Variants in JAK2 observed in about 807,000 individuals in gnomAD.
The protein encoded by JAK2 is tyrosine-protein kinase JAK2.
In JAK2, 86 loss-of-function variants were observed where a neutral mutation model predicts 139.3. That is an observed-to-expected ratio of 0.62 (90% CI 0.52 to 0.74). JAK2 has a LOEUF of 0.74. Ranked by LOEUF, JAK2 falls within the 30% of genes least tolerant of loss-of-function variation. JAK2 has a pLI of 0.00. For missense variants in JAK2, 1,421 were observed against 1,360.3 expected (o/e 1.04, Z -0.70); for synonymous variants, 490 against 437.7 (o/e 1.12, Z -1.49).
chr9:5,070,390 A>G (rs1300239489), intron 12 of JAK2, among the ~76,000 whole-genome samples: 4 of 152,030 alleles, frequency 2.6e-5, no homozygotes, highest in African/African-American at 9.7e-5. Context: ...AAAAATAAAG[A>G]AGAAACTGAG....
chr9:5,110,906 C>G lies in JAK2; in HGVS notation c.3060-12098C>G, dbSNP rs1428370103. 13 of 557,286 alleles carry G rather than the reference C, an allele frequency of 2.3e-5. No individual in the cohort carries two copies. In the African/African-American group the frequency reaches 2.5e-4, roughly 11 times the overall value. The allele number at this position is 557,286 out of a possible 1,614,324, so 34.5% of individuals were successfully genotyped here. ...CATGTCTGAGATGCCCGCTCTGGCC[C>G]CAAGAGAATGAACCAGCCGCAGAGG... On this transcript the variant is annotated intron_variant, in intron 22 of 24. Coordinates refer to ENST00000381652, the MANE Select transcript of JAK2 (RefSeq NM_004972.4).
At position 5,073,760 on chromosome 9, in the gene JAK2, T is replaced by A; in HGVS notation, c.1839T>A (p.Tyr613Ter). Residue 613 changes from tyrosine to a stop codon, truncating the protein, a stop_gained, in exon 14 of 25, where the codon TAT (tyrosine) becomes TAA (stop). Coordinates refer to ENST00000381652, the MANE Select transcript of JAK2 (RefSeq NM_004972.4). LOFTEE classifies it high-confidence loss of function. ...CTCACAAGCATTTGGTTTTAAATTA[T>A]GGAGTATGTGTCTGTGGAGACGAGA... is the stretch of plus-strand genomic sequence containing the variant. ...KLSHKHLVLN[Y>*]GVCVCGDENI... 6.2e-7 allele frequency: 1 copy of A among 1,610,988 alleles called. No homozygotes were observed. Among genetic ancestry groups the A allele is most frequent in the Non-Finnish European group, 8.5e-7 (1 of 1,177,608 alleles).
At chr9:5,042,149 G>A (rs532377415) in intron 4 of JAK2, among the ~76,000 whole-genome samples, 72 of 36,708 alleles carry the variant, frequency 2.0e-3, no homozygotes, top group Non-Finnish European at 3.5e-3. Flanking sequence ...TTTTTTTTTT[G>A]AGACGGAGTC....
At position 5,054,547 on chromosome 9, in the gene JAK2, G is replaced by A. The variant is rs1442380187; in HGVS notation, c.615-16G>A. 5.9e-6 allele frequency: 9 copies of A among 1,536,322 alleles called. No individual in the cohort carries two copies. Among genetic ancestry groups the A allele is most frequent in the Non-Finnish European group, 7.0e-6 (8 of 1,140,794 alleles). On this transcript the variant is annotated splice_polypyrimidine_tract_variant and intron_variant, in intron 6 of 24. Coordinates refer to ENST00000381652, the MANE Select transcript of JAK2 (RefSeq NM_004972.4). The surrounding 1 kb of genome is among the most constrained non-coding windows in gnomAD (Gnocchi z 4.9). ...TGTTTTGTTTTGTTTTTCTGTATGTGCTTTTTTATCCCTAGCTACAAGACA... is the reference window on the plus strand; with the variant it reads ...TGTTTTGTTTTGTTTTTCTGTATGTACTTTTTTATCCCTAGCTACAAGACA...
At chr9:5,042,206 C>G (rs1488354161) in intron 4 of JAK2, among the ~76,000 whole-genome samples, 2 of 148,604 alleles carry the variant, frequency 1.3e-5, no homozygotes, top group Non-Finnish European at 3.0e-5. Flanking sequence ...GGCGCAATCT[C>G]GGCTCACTGC....
At position 5,040,960 on chromosome 9, in the gene JAK2, AC is replaced by A. The variant is rs1461922030; in HGVS notation, c.351-3442del. 5 of 535,228 alleles carry A rather than the reference AC, an allele frequency of 9.3e-6. No individual in the cohort carries two copies. In the African/African-American group the frequency reaches 9.7e-5, roughly 10 times the overall value. The allele number at this position is 535,228 out of a possible 1,614,324, so 33.2% of individuals were successfully genotyped here. Reference sequence around the variant, plus strand: ...GCGGAGCCAAGGAAAGAATCTCTATACAAACAAATATGTGGCTATCAAATTG... The same window carrying A: ...GCGGAGCCAAGGAAAGAATCTCTATAAAACAAATATGTGGCTATCAAATTG... On this transcript the variant is annotated intron_variant, in intron 4 of 24. Coordinates refer to ENST00000381652, the MANE Select transcript of JAK2 (RefSeq NM_004972.4).
chr9:5,075,438 T>C (rs1317559825), intron 14 of JAK2, among the ~76,000 whole-genome samples: 1 of 152,200 alleles, frequency 6.6e-6, no homozygotes, highest in Non-Finnish European at 1.5e-5. Context: ...CATTGGTGAT[T>C]TGAAATTCAA....
At position 5,054,518 on chromosome 9, in the gene JAK2, T is replaced by TTTTTG. The variant is rs1246195265; in HGVS notation, c.615-30_615-26dup. 2.1e-6 allele frequency: 3 copies of TTTTTG among 1,443,312 alleles called. No homozygotes were observed. Among genetic ancestry groups the TTTTTG allele is most frequent in the Non-Finnish European group, 9.4e-7 (1 of 1,065,028 alleles). The allele number at this position is 1,443,312 out of a possible 1,614,324, so 89.4% of individuals were successfully genotyped here. On this transcript the variant is annotated intron_variant, in intron 6 of 24. Coordinates refer to ENST00000381652, the MANE Select transcript of JAK2 (RefSeq NM_004972.4). The surrounding 1 kb of genome is among the most constrained non-coding windows in gnomAD (Gnocchi z 4.9). ...TTCAATTTTTAGATTTATCTTCCAA[T>TTTTTG]TTTTGTTTTGTTTTGTTTTTCTGTA...
chr9:5,098,160 C>G (rs1331940267), intron 22 of JAK2: 1 of 152,138 alleles, frequency 6.6e-6, no homozygotes. Context: ...TGTCCACCAC[C>G]TTACCACACA....
At chr9:5,117,397 T>A (rs564382384) in intron 22 of JAK2, among the ~76,000 whole-genome samples, 133 of 152,254 alleles carry the variant, frequency 8.7e-4, no homozygotes, top group Non-Finnish European at 1.5e-3. Context: ...CTACTTTTGT[T>A]ATAGAACAGC....
chr9:5,090,741 T>C lies in JAK2; in HGVS notation c.2889T>C (p.Gly963=), dbSNP rs1820512428. 6.2e-7 allele frequency: 1 copy of C among 1,600,784 alleles called. No homozygotes were observed. The highest frequency in any genetic ancestry group is 1.8e-5 in the Admixed American group (1 of 56,466). Residue 963 remains glycine (G), a splice_region_variant and synonymous_variant, in exon 22 of 25, where the codon GGT becomes GGC. Coordinates refer to ENST00000381652, the MANE Select transcript of JAK2 (RefSeq NM_004972.4). Reference sequence around the variant, plus strand: ...AAAGAAAAATGTTTTATCCATAGGGTATGGAGTATCTTGGTACAAAAAGGT... The same window carrying C: ...AAAGAAAAATGTTTTATCCATAGGGCATGGAGTATCTTGGTACAAAAAGGT... ...LLQYTSQICK[G]MEYLGTKRYI...
At chr9:5,062,187 G>A (rs1423101035) in intron 8 of JAK2, among the ~76,000 whole-genome samples, 1 of 151,942 alleles carries the variant, frequency 6.6e-6, no homozygotes, top group East Asian at 1.9e-4. Flanking sequence ...TGCAAAACCT[G>A]CATATGTGTA....
At chr9:5,101,699 A>G (rs1015107981) in intron 22 of JAK2, among the ~76,000 whole-genome samples, 7 of 152,202 alleles carry the variant, frequency 4.6e-5, no homozygotes, top group Non-Finnish European at 1.0e-4. Context: ...AGGCAGCAAC[A>G]TTGGCTGTTC....
intron 22 of JAK2, among the ~76,000 whole-genome samples, chr9:5,102,471 G>T (rs1464045343): frequency 6.6e-6 from 1 of 152,176 alleles, no homozygotes; most frequent in African/African-American, 2.4e-5. Context: ...ACACTCTTCA[G>T]GATATTATCC....
chr9:5,077,658 C>A, intron 15 of JAK2, 78 bp downstream of exon 15: 1 of 930,742 alleles, frequency 1.1e-6, no homozygotes. Context: ...TACCTGGAAA[C>A]AAAAAATAAA....
chr9:5,008,047 A>G (rs1243580092), intron 2 of JAK2, among the ~76,000 whole-genome samples: 1 of 152,194 alleles, frequency 6.6e-6, no homozygotes, highest in African/African-American at 2.4e-5. Flanking sequence ...GAGAATTCTT[A>G]TCAAACTGTT....
chr9:5,086,107 C>A, intron 19 of JAK2: 1 of 488,504 alleles, frequency 2.0e-6, no homozygotes. Flanking sequence ...TGAGCCTGCG[C>A]GGGCATCGGC....
chr9:5,126,096 G>A, intron 23 of JAK2: 1 of 347,858 alleles, frequency 2.9e-6, no homozygotes, highest in Non-Finnish European at 5.2e-6. Context: ...CATGTGTTTT[G>A]AGCCCTCCTC....
chr9:5,112,391 GC>G, intron 22 of JAK2: 1 of 435,802 alleles, frequency 2.3e-6, no homozygotes, highest in Non-Finnish European at 4.3e-6. Flanking sequence ...GGGAAATCAA[GC>G]GGGAGGAGGA....
Sources: allele counts gnomAD v4.1 joint callset (sites outside exome capture counted in the v4.1 genomes callset), GRCh38; gene constraint gnomAD v4.1.1; non-coding constraint Gnocchi (gnomAD v3.1); transcripts MANE v1.5; gene names NCBI Gene and HGNC (gene_info 2026-07-23, HGNC 2026-07-21).